The following IQCM variants were observed in gnomAD, a reference collection of about 807,000 sequenced individuals.
IQCM encodes the protein IQ domain-containing protein M.
IQCM carries 45 observed loss-of-function variants against 57.6 expected under a neutral mutation model. The ratio of observed to expected loss-of-function variants is 0.78; its 90% CI spans 0.62 to 1.00. The LOEUF (loss-of-function observed/expected upper bound fraction) is 1.00, where lower values mean the gene tolerates loss of function less well. Ranked by LOEUF, IQCM falls within the 50% of genes least tolerant of loss-of-function variation. IQCM has a pLI of 0.00. For missense variants in IQCM, 468 were observed against 511.6 expected (o/e 0.91, Z 0.82); for synonymous variants, 148 against 158.9 (o/e 0.93, Z 0.51).
At chr4:149,630,296 G>GACTGTGTCCCGGGC (rs1267777895) in intron 7 of IQCM, among the ~76,000 whole-genome samples, 1 of 152,210 alleles carries the variant, frequency 6.6e-6, no homozygotes, top group African/African-American at 2.4e-5. Context: ...GCAGGATTGG[G>GACTGTGTCCCGGGC]ACTGTGTCCC....
chr4:149,699,098 G>A (rs1405790314), intron 5 of IQCM, among the ~76,000 whole-genome samples: 2 of 151,988 alleles, frequency 1.3e-5, no homozygotes, highest in African/African-American at 4.8e-5. Flanking sequence ...GACTATGAGT[G>A]CCATAAGATA....
chr4:149,471,707 A>G (rs1374812901), intron 12 of IQCM, among the ~76,000 whole-genome samples: 1 of 152,332 alleles, frequency 6.6e-6, no homozygotes, highest in Non-Finnish European at 1.5e-5. Context: ...ATGAACATCA[A>G]TGCAAAAATC....
chr4:149,768,429 T>A (rs1017236896), intron 2 of IQCM, among the ~76,000 whole-genome samples: 3 of 152,108 alleles, frequency 2.0e-5, no homozygotes, highest in African/African-American at 7.2e-5. Flanking sequence ...TACAATAAAT[T>A]TCATAGATAA....
At chr4:149,372,254 T>C (rs1730417032) in intron 13 of IQCM, among the ~76,000 whole-genome samples, 1 of 152,194 alleles carries the variant, frequency 6.6e-6, no homozygotes, top group African/African-American at 2.4e-5. Context: ...AAGTTATCTT[T>C]ACATTAAATT....
chr4:149,529,820 T>A (rs1029139189), intron 12 of IQCM, among the ~76,000 whole-genome samples: 2 of 152,158 alleles, frequency 1.3e-5, no homozygotes, highest in East Asian at 3.9e-4. Context: ...CCCATTCACA[T>A]GAAAGTCATG....
intron 6 of IQCM, among the ~76,000 whole-genome samples, chr4:149,683,465 T>C (rs988174281): frequency 1.6e-4 from 24 of 151,344 alleles, no homozygotes; most frequent in African/African-American, 5.8e-4. Context: ...AAATAACTAA[T>C]GATACGATCT....
chr4:149,770,475 T>A (rs1018377245), intron 2 of IQCM, among the ~76,000 whole-genome samples: 3 of 151,988 alleles, frequency 2.0e-5, no homozygotes. Flanking sequence ...CAGAGATACA[T>A]TACAAGAAAA....
chr4:149,492,576 A>T (rs1399230250), intron 12 of IQCM, among the ~76,000 whole-genome samples: 2 of 152,092 alleles, frequency 1.3e-5, no homozygotes, highest in Admixed American at 1.3e-4. Context: ...TAGCTACAAG[A>T]TTAATGATAG....
chr4:149,724,796 A>C (rs544575206), intron 5 of IQCM, among the ~76,000 whole-genome samples: 9 of 152,212 alleles, frequency 5.9e-5, no homozygotes, highest in Middle Eastern at 3.4e-3. Context: ...ATATAGTACT[A>C]CATGGACAAG....
intron 8 of IQCM, among the ~76,000 whole-genome samples, chr4:149,600,876 T>A (rs1409768467): frequency 6.6e-6 from 1 of 152,124 alleles, no homozygotes; most frequent in Non-Finnish European, 1.5e-5. Flanking sequence ...ACCTAGAAAA[T>A]TTTTTCAGGA....
chr4:149,494,582 A>G (rs889020240), intron 12 of IQCM, among the ~76,000 whole-genome samples: 1 of 152,126 alleles, frequency 6.6e-6, no homozygotes, highest in African/African-American at 2.4e-5. Context: ...ACAGAAAGAA[A>G]TTATAATACC....
chr4:149,404,171 A>G (rs112047975), intron 13 of IQCM, among the ~76,000 whole-genome samples: 1 of 152,016 alleles, frequency 6.6e-6, no homozygotes, highest in Non-Finnish European at 1.5e-5. Context: ...ACCTTGCAAC[A>G]TTGTTCAGAT....
intron 2 of IQCM, chr4:149,780,165 TC>T (rs1267787030): frequency 6.6e-6 from 1 of 152,120 alleles, no homozygotes; most frequent in East Asian, 1.9e-4. Context: ...TTGAAGACAG[TC>T]CCTACAAGTG....
At chr4:149,575,433 G>A (rs1462530453) in intron 9 of IQCM, among the ~76,000 whole-genome samples, 2 of 151,898 alleles carry the variant, frequency 1.3e-5, no homozygotes, top group Admixed American at 6.6e-5. Flanking sequence ...AATCAGAGCA[G>A]TATTCCTGGG....
intron 2 of IQCM, among the ~76,000 whole-genome samples, chr4:149,775,100 A>G (rs1770967087): frequency 6.6e-6 from 1 of 150,822 alleles, no homozygotes; most frequent in African/African-American, 2.4e-5. Context: ...ACTTTGCATT[A>G]TTCCTCCTTT....
chr4:149,677,484 G>T (rs1245180812), intron 7 of IQCM, among the ~76,000 whole-genome samples: 1 of 152,036 alleles, frequency 6.6e-6, no homozygotes. Context: ...AACTGAAAAG[G>T]AGGCAGTTGC....
At chr4:149,676,209 G>C (rs772778766) in intron 7 of IQCM, among the ~76,000 whole-genome samples, 5 of 151,908 alleles carry the variant, frequency 3.3e-5, no homozygotes, top group Non-Finnish European at 7.4e-5. Flanking sequence ...AGTGACAATA[G>C]CAAAAATAGC....
intron 2 of IQCM, among the ~76,000 whole-genome samples, chr4:149,751,244 CT>C (rs1043727344): frequency 8.5e-5 from 13 of 152,178 alleles, no homozygotes; most frequent in Non-Finnish European, 1.9e-4. Context: ...AAGAATCCCC[CT>C]GATGAAATTC....
chr4:149,372,312 T>C (rs905707574), intron 13 of IQCM, among the ~76,000 whole-genome samples: 1 of 152,212 alleles, frequency 6.6e-6, no homozygotes, highest in African/African-American at 2.4e-5. Context: ...TATGAACTCA[T>C]AGACTGTATT....
Sources: allele counts gnomAD v4.1 joint callset (sites outside exome capture counted in the v4.1 genomes callset), GRCh38; gene constraint gnomAD v4.1.1; transcripts MANE v1.5; gene names NCBI Gene and HGNC (gene_info 2026-07-23, HGNC 2026-07-21).